The following EPN2 variants were observed in gnomAD, a reference collection of about 807,000 sequenced individuals.
The protein encoded by EPN2 is epsin 2.
A neutral mutation model predicts 61.7 loss-of-function variants in EPN2; 34 were observed. That is an observed-to-expected ratio of 0.55 (90% CI 0.42 to 0.73). EPN2 has a LOEUF of 0.73. Among genes scored for constraint, EPN2 ranks in the 30% least tolerant of loss-of-function variants. EPN2 has a pLI of 0.00. For missense variants in EPN2, 714 were observed against 839.2 expected, an observed-to-expected ratio of 0.85 and a Z score of 1.84; for synonymous variants, 349 against 353.6, an observed-to-expected ratio of 0.99 and a Z score of 0.15.
intron 1 of EPN2, among the ~76,000 whole-genome samples, chr17:19,240,650 CCTCTT>C (rs551640596): frequency 8.5e-4 from 130 of 152,304 alleles, no homozygotes; most frequent in African/African-American, 3.0e-3. Context: ...TGTAAACAGA[CCTCTT>C]CTGTCAATAC....
At chr17:19,290,985 G>C (rs2045458898) in intron 4 of EPN2, among the ~76,000 whole-genome samples, 1 of 152,234 alleles carries the variant, frequency 6.6e-6, no homozygotes, top group Admixed American at 6.5e-5. Flanking sequence ...GGTCCTCTGG[G>C]CTGAGAGCCC....
At chr17:19,281,736 G>A (rs550632301) in intron 1 of EPN2, among the ~76,000 whole-genome samples, 1 of 152,100 alleles carries the variant, frequency 6.6e-6, no homozygotes, top group Non-Finnish European at 1.5e-5. Flanking sequence ...TTTGAGGGTG[G>A]GGGGTGGACA....
At chr17:19,256,039 A>G (rs948850043) in intron 1 of EPN2, among the ~76,000 whole-genome samples, 7 of 151,660 alleles carry the variant, frequency 4.6e-5, no homozygotes, top group African/African-American at 2.4e-5. Context: ...CTGGGTTCAT[A>G]CCATTCTCCT....
At position 19,285,927 on chromosome 17, in the gene EPN2, C is replaced by G; in HGVS notation, c.766+137C>G. On this transcript the variant is annotated intron_variant, in intron 4 of 10. Transcript: ENST00000314728. The surrounding 1 kb of genome is among the most constrained non-coding windows in gnomAD (Gnocchi z 4.5). Reference sequence around the variant, plus strand: ...GTTTGGCCTCCAGCAGGCCCAGGAGCCCTTTCTTCCTCTCTCCTGGGAGCT... The same window carrying G: ...GTTTGGCCTCCAGCAGGCCCAGGAGGCCTTTCTTCCTCTCTCCTGGGAGCT... 1 of 1,399,342 alleles carries G rather than the reference C, an allele frequency of 7.1e-7. No homozygotes were observed. The highest frequency in any genetic ancestry group is 9.3e-7 in the Non-Finnish European group (1 of 1,069,850). The allele number at this position is 1,399,342 out of a possible 1,614,324, so 86.7% of individuals were successfully genotyped here. A position where few individuals can be genotyped will look rare whatever the true frequency, so the allele number is the denominator to read the frequency against.
At chr17:19,287,676 G>A (rs994877005) in intron 4 of EPN2, among the ~76,000 whole-genome samples, 1 of 152,192 alleles carries the variant, frequency 6.6e-6, no homozygotes, top group Non-Finnish European at 1.5e-5. Context: ...TGAGATGCAG[G>A]CTGTGATTCA....
chr17:19,251,670 G>A (rs981110789), intron 1 of EPN2, among the ~76,000 whole-genome samples: 1 of 152,120 alleles, frequency 6.6e-6, no homozygotes, highest in Non-Finnish European at 1.5e-5. Context: ...CTGACCTCAG[G>A]TGATCTGCCC....
At chr17:19,310,780 GT>G (rs1906100090) in intron 5 of EPN2, among the ~76,000 whole-genome samples, 1 of 151,928 alleles carries the variant, frequency 6.6e-6, no homozygotes, top group Non-Finnish European at 1.5e-5. Flanking sequence ...GTTTCACCAT[GT>G]TGGTCGGGCT....
At chr17:19,298,858 T>G (rs1307445760) in intron 4 of EPN2, among the ~76,000 whole-genome samples, 1 of 150,958 alleles carries the variant, frequency 6.6e-6, no homozygotes, top group Non-Finnish European at 1.5e-5. Flanking sequence ...GCCCTGTCAC[T>G]GTTAATTCTT....
intron 10 of EPN2, 135 bp downstream of exon 10, chr17:19,332,203 T>G: frequency 1.5e-6 from 1 of 680,072 alleles, no homozygotes; most frequent in Non-Finnish European, 2.5e-6. Context: ...TGATTACGTA[T>G]GCCCTCGCCA....
At chr17:19,266,226 G>A (rs964804377) in intron 1 of EPN2, among the ~76,000 whole-genome samples, 2 of 152,120 alleles carry the variant, frequency 1.3e-5, no homozygotes, top group Non-Finnish European at 2.9e-5. Context: ...ACAGTTGAAT[G>A]TTCTTAGTTT....
intron 1 of EPN2, among the ~76,000 whole-genome samples, chr17:19,269,720 G>A (rs945771729): frequency 6.6e-6 from 1 of 152,004 alleles, no homozygotes; most frequent in Non-Finnish European, 1.5e-5. Flanking sequence ...TCCTGGCTTA[G>A]CACTGAATGG....
intron 1 of EPN2, among the ~76,000 whole-genome samples, chr17:19,242,548 G>GC (rs1217230535): frequency 1.4e-4 from 21 of 152,328 alleles, no homozygotes; most frequent in African/African-American, 5.0e-4. Context: ...GCTGGAGCCT[G>GC]CTTCGTTCCT....
intron 7 of EPN2, among the ~76,000 whole-genome samples, chr17:19,320,644 A>G (rs963016133): frequency 6.6e-6 from 1 of 152,214 alleles, no homozygotes; most frequent in Non-Finnish European, 1.5e-5. Context: ...AAGAAGAACC[A>G]TGGTTGAGAA....
At position 19,334,668 on chromosome 17, in the gene EPN2, G is replaced by C. The variant is rs915572671; in HGVS notation, c.*414G>C. 14 of 163,198 alleles carry C rather than the reference G, an allele frequency of 8.6e-5. No individual in the cohort carries two copies. The highest frequency in any genetic ancestry group is 1.8e-4 in the Non-Finnish European group (14 of 75,812). 10.1% of individuals were successfully genotyped at this position (163,198 alleles called of 1,614,324 possible). ...CCCAGGCAGTCCTGGGTGTGGACAC[G>C]ATGAAGCACCGGCTCCATAAGACAC... On this transcript the variant is annotated 3_prime_UTR_variant, in exon 11 of 11. Transcript: ENST00000314728. This position sits in a 1 kb window ranked among gnomAD's most constrained non-coding sequence, Gnocchi z 4.9.
chr17:19,300,798 A>G (rs889241209), intron 4 of EPN2, among the ~76,000 whole-genome samples: 4 of 152,174 alleles, frequency 2.6e-5, no homozygotes, highest in Non-Finnish European at 5.9e-5. Context: ...TTAGCCTCCA[A>G]GATGGAGCTG....
intron 4 of EPN2, among the ~76,000 whole-genome samples, chr17:19,286,729 A>G (rs2045408787): frequency 6.6e-6 from 1 of 152,170 alleles, no homozygotes; most frequent in Non-Finnish European, 1.5e-5. Context: ...TTGTGTAATA[A>G]CTATATTTAA....
chr17:19,245,645 C>A (rs2044938488), intron 1 of EPN2, among the ~76,000 whole-genome samples: 1 of 150,428 alleles, frequency 6.6e-6, no homozygotes, highest in South Asian at 2.1e-4. Flanking sequence ...CCATGTTAGC[C>A]AGGATGGTCT....
At position 19,336,474 on chromosome 17, in the gene EPN2, C is replaced by T. The variant is rs1598032921; in HGVS notation, c.*2220C>T. On this transcript the variant is annotated 3_prime_UTR_variant, in exon 11 of 11. Coordinates refer to ENST00000314728, the MANE Select transcript of EPN2 (RefSeq NM_014964.5). Reference sequence around the variant, plus strand: ...GGACCCAAGAAGACAGCCCCCTGCCCCATCTTCTGGCACAGGCCATCCCGA... The same window carrying T: ...GGACCCAAGAAGACAGCCCCCTGCCTCATCTTCTGGCACAGGCCATCCCGA... 6.6e-6 allele frequency: 1 copy of T among 152,638 alleles called. No homozygotes were observed. The highest frequency in any genetic ancestry group is 2.4e-5 in the African/African-American group (1 of 41,450). 9.5% of individuals were successfully genotyped at this position (152,638 alleles called of 1,614,324 possible).
At chr17:19,326,865 G>C (rs1053407373) in intron 7 of EPN2, among the ~76,000 whole-genome samples, 2 of 152,038 alleles carry the variant, frequency 1.3e-5, no homozygotes, top group African/African-American at 4.8e-5. Flanking sequence ...CATAAGGGAC[G>C]ATCGGTAAAA....
Sources: gnomAD v4.1 joint callset for allele counts (sites outside exome capture counted in the v4.1 genomes callset) on GRCh38, gnomAD v4.1.1 for gene constraint, Gnocchi (gnomAD v3.1) non-coding constraint, MANE v1.5 for transcripts, NCBI Gene and HGNC (gene_info 2026-07-23, HGNC 2026-07-21) for gene names.